SOBP: variants seen among roughly 807,000 people sequenced by gnomAD.
The protein encoded by SOBP is sine oculis-binding protein homolog.
In SOBP, 4 loss-of-function variants were observed where a neutral mutation model predicts 53.6. That is an observed-to-expected ratio of 0.07 (90% CI 0.04 to 0.17). The LOEUF (loss-of-function observed/expected upper bound fraction) is 0.17, where lower values mean the gene tolerates loss of function less well. Ranked by LOEUF, SOBP falls within the 10% of genes least tolerant of loss-of-function variation. The pLI is 1.00. For missense variants in SOBP, 1,088 were observed against 1,204.7 expected (o/e 0.90, Z 1.43); for synonymous variants, 584 against 522.6 (o/e 1.12, Z -1.60).
intron 5 of SOBP, among the ~76,000 whole-genome samples, chr6:107,587,577 G>C (rs1785606333): frequency 6.6e-6 from 1 of 152,148 alleles, no homozygotes; most frequent in Non-Finnish European, 1.5e-5. Context: ...ATTTTGTTCT[G>C]CTAGGGAAGA....
intron 5 of SOBP, among the ~76,000 whole-genome samples, chr6:107,628,931 C>G (rs1340422295): frequency 2.0e-5 from 3 of 152,170 alleles, no homozygotes; most frequent in African/African-American, 7.2e-5. Context: ...AGAGCAGACC[C>G]CAAAGCCTTC....
At chr6:107,506,481 C>G in intron 3 of SOBP, 54 bp downstream of exon 3, 1 of 1,586,886 alleles carries the variant, frequency 6.3e-7, no homozygotes, top group Non-Finnish European at 8.7e-7. Context: ...GTTGTTTTAA[C>G]CATCTTAGGA....
chr6:107,552,381 G>A (rs150287053), intron 4 of SOBP, among the ~76,000 whole-genome samples: 6 of 152,302 alleles, frequency 3.9e-5, no homozygotes, highest in African/African-American at 1.4e-4. Context: ...ATTTTAAGCT[G>A]TGCTATATGA....
intron 5 of SOBP, among the ~76,000 whole-genome samples, chr6:107,626,230 T>C (rs1453521241): frequency 6.6e-6 from 1 of 152,198 alleles, no homozygotes; most frequent in African/African-American, 2.4e-5. Flanking sequence ...TTTTTTTTGC[T>C]AAAAGCTGTT....
intron 3 of SOBP, among the ~76,000 whole-genome samples, chr6:107,510,054 A>G (rs1017467632): frequency 6.6e-6 from 1 of 152,228 alleles, no homozygotes; most frequent in Non-Finnish European, 1.5e-5. Flanking sequence ...ATTTAGTCAT[A>G]CTATCTAGGG....
At chr6:107,613,966 G>C (rs1292905445) in intron 5 of SOBP, among the ~76,000 whole-genome samples, 2 of 152,210 alleles carry the variant, frequency 1.3e-5, no homozygotes, top group Non-Finnish European at 2.9e-5. Context: ...CATGTAATCT[G>C]CAAGCTCAGC....
Position 107,503,575 on chromosome 6 carries a change from G to A in SOBP, c.97-82G>A. The A allele has an allele frequency of 4.7e-6, 7 of 1,483,296 alleles. No individual in the cohort carries two copies. The South Asian group carries it at 6.8e-5, about 14-fold the overall frequency. The allele number at this position is 1,483,296 out of a possible 1,614,324, so 91.9% of individuals were successfully genotyped here. A position where few individuals can be genotyped will look rare whatever the true frequency, so the allele number is the denominator to read the frequency against. On this transcript the variant is annotated intron_variant, in intron 1 of 6. Transcript: ENST00000317357. ...GCAGGGCTGCAAATAAATGAGGTAG[G>A]ACAAGCAGAATTCAATTTATGCATT...
chr6:107,604,412 G>C (rs1410309918), intron 5 of SOBP, among the ~76,000 whole-genome samples: 16 of 152,266 alleles, frequency 1.1e-4, no homozygotes, highest in African/African-American at 3.9e-4. Flanking sequence ...TCTTGTTTAT[G>C]CATGCTGTGG....
At chr6:107,621,593 C>G (rs1410456073) in intron 5 of SOBP, among the ~76,000 whole-genome samples, 1 of 152,118 alleles carries the variant, frequency 6.6e-6, no homozygotes, top group Non-Finnish European at 1.5e-5. Flanking sequence ...ATAGGCAATC[C>G]AAATTATTCC....
rs1163213357 is a variant in SOBP at position 107,660,463 on chromosome 6, G to T, written c.*2260G>T. Among the ~76,000 whole-genome samples the T allele has an allele frequency of 6.6e-6, 1 of 152,164 alleles. No homozygotes were observed. Among genetic ancestry groups the T allele is most frequent in the African/African-American group, 2.4e-5 (1 of 41,428 alleles). ...CCCAGGTGTGGTGTCCCTTCCAAGTGCTCTTCAAGTCCTGATCTTTTTTGG... is the reference window on the plus strand; with the variant it reads ...CCCAGGTGTGGTGTCCCTTCCAAGTTCTCTTCAAGTCCTGATCTTTTTTGG... On this transcript the variant is annotated 3_prime_UTR_variant, in exon 7 of 7. Transcript: ENST00000317357.
rs1770925064 is a variant in SOBP, at chr6:107,634,743, C to G, written c.1899C>G (p.Pro633=). The change falls in exon 6 of 7, where the codon CCC becomes CCG. Residue 633 remains proline (P), a synonymous_variant. Coordinates refer to ENST00000317357, the MANE Select transcript of SOBP (RefSeq NM_018013.4). The surrounding 1 kb of genome is among the most constrained non-coding windows in gnomAD (Gnocchi z 4.5). ...GGCGCGCCGGCAGCCCCCCGGGCCC[C>G]CCGGGCGCGGGCGGCCAGCTCGGCT... ...LTRRAGSPPG[P]PGAGGQLGFP... is the part of the protein sequence containing the mutation. The G allele has an allele frequency of 7.5e-7, 1 of 1,336,048 alleles. No homozygotes were observed. The highest frequency in any genetic ancestry group is 1.5e-5 in the African/African-American group (1 of 64,886). 82.8% of individuals were successfully genotyped at this position (1,336,048 alleles called of 1,614,324 possible).
At position 107,528,113 on chromosome 6, in the gene SOBP, T is replaced by C. The variant is rs561614877; in HGVS notation, c.422-5346T>C. 1.1e-4 allele frequency among the ~76,000 whole-genome samples: 17 copies of C among 152,334 alleles called. 1 individual carries two copies. In the South Asian group the frequency reaches 3.3e-3, roughly 30 times the overall value. ...TCTTCCCATTCCTTGTAAAAACATA[T>C]TCTTCAGAAAGAATCATTCATTTCA... On this transcript the variant is annotated intron_variant, in intron 3 of 6. Coordinates refer to ENST00000317357, the MANE Select transcript of SOBP (RefSeq NM_018013.4).
chr6:107,650,376 C>G (rs924351990), intron 6 of SOBP, among the ~76,000 whole-genome samples: 1 of 152,224 alleles, frequency 6.6e-6, no homozygotes. Flanking sequence ...CTTTATCATG[C>G]TTCGCTTTAT....
intron 3 of SOBP, among the ~76,000 whole-genome samples, chr6:107,531,482 C>A (rs928353364): frequency 6.6e-6 from 1 of 151,998 alleles, no homozygotes; most frequent in Non-Finnish European, 1.5e-5. Context: ...TATTTCTAAT[C>A]TAAGAAAACT....
At chr6:107,571,515 C>G (rs1168267458) in intron 4 of SOBP, among the ~76,000 whole-genome samples, 1 of 152,234 alleles carries the variant, frequency 6.6e-6, no homozygotes, top group Non-Finnish European at 1.5e-5. Context: ...GACACATCAT[C>G]ACTTTGCAAT....
intron 4 of SOBP, among the ~76,000 whole-genome samples, chr6:107,537,819 C>CAAAAAAA (rs527261424): frequency 1.1e-5 from 1 of 94,678 alleles, no homozygotes; most frequent in Non-Finnish European, 2.2e-5. Flanking sequence ...GACCCTATCT[C>CAAAAAAA]AAAAAAAAAA....
At chr6:107,560,329 G>A (rs1439158479) in intron 4 of SOBP, among the ~76,000 whole-genome samples, 1 of 151,964 alleles carries the variant, frequency 6.6e-6, no homozygotes. Flanking sequence ...TTTTCACAGG[G>A]GTCTGTTACA....
chr6:107,557,857 A>G (rs1268822460), intron 4 of SOBP: 2 of 152,202 alleles, frequency 1.3e-5, no homozygotes, highest in Non-Finnish European at 2.9e-5. Context: ...TGTCTGTGTC[A>G]TTCAGCTTTT....
intron 4 of SOBP, among the ~76,000 whole-genome samples, chr6:107,566,988 C>T (rs1424780344): frequency 6.6e-6 from 1 of 152,228 alleles, no homozygotes; most frequent in African/African-American, 2.4e-5. Flanking sequence ...CTGCAATGAT[C>T]TCTCTGCACA....
Sources: allele counts gnomAD v4.1 joint callset (sites outside exome capture counted in the v4.1 genomes callset), GRCh38; gene constraint gnomAD v4.1.1; non-coding constraint Gnocchi (gnomAD v3.1); transcripts MANE v1.5; gene names NCBI Gene and HGNC (gene_info 2026-07-23, HGNC 2026-07-21).